The following DLC1 variants were observed in gnomAD, a reference collection of about 807,000 sequenced individuals.
DLC1 encodes the protein rho GTPase-activating protein 7.
Under a neutral mutation model 140.3 loss-of-function variants are expected in DLC1, and 54 were observed. The observed-to-expected ratio is 0.38, with a 90% CI of 0.31 to 0.48. DLC1 has a LOEUF of 0.48. DLC1 is among the 20% of genes least tolerant of loss of function. DLC1 has a pLI of 0.96. For missense variants in DLC1, 2,536 were observed against 1,907.0 expected, an observed-to-expected ratio of 1.33 and a Z score of -6.14; for synonymous variants, 986 against 728.1, an observed-to-expected ratio of 1.35 and a Z score of -5.70.
chr8:13,091,727 T>C (rs1818093303), intron 13 of DLC1, among the ~76,000 whole-genome samples: 1 of 152,100 alleles, frequency 6.6e-6, no homozygotes, highest in Non-Finnish European at 1.5e-5. Flanking sequence ...TGTGTTTGCA[T>C]GGTGGGGGAG....
At chr8:13,217,893 A>G (rs543342540) in intron 5 of DLC1, among the ~76,000 whole-genome samples, 1 of 152,074 alleles carries the variant, frequency 6.6e-6, no homozygotes, top group East Asian at 1.9e-4. Context: ...TCTTTAAATA[A>G]AATACTCTGA....
rs747326042 is a variant in DLC1 at position 13,092,807 on chromosome 8, C to A, written c.3545G>T (p.Arg1182Leu). The A allele has an allele frequency of 5.6e-6, 9 of 1,613,538 alleles. No homozygotes were observed. Among genetic ancestry groups the A allele is most frequent in the Admixed American group, 1.7e-5 (1 of 59,948 alleles). The change falls in exon 13 of 18, where the codon CGC (arginine) becomes CTC (leucine). Residue 1182 changes from arginine (R) to leucine (L), a missense_variant. By Grantham distance (102) the Arg-to-Leu change is moderately radical (BLOSUM62 -2). Transcript: ENST00000276297. ...QIYQYVPKDQRLQAIKAAIML... is the reference protein window; with the variant it reads ...QIYQYVPKDQLLQAIKAAIML... ...GATGGCAGCCTTGATGGCCTGCAGG[C>A]GCTGGTCCTTGGGCACATCTGCACG...
At chr8:13,401,756 T>C in intron 2 of DLC1, 137 bp from the exon 3 acceptor site, 1 of 1,103,434 alleles carries the variant, frequency 9.1e-7, no homozygotes, top group Non-Finnish European at 1.3e-6. Context: ...TTCCATTCTG[T>C]ATCATCAATG....
intron 4 of DLC1, among the ~76,000 whole-genome samples, chr8:13,365,469 T>C (rs1205180469): frequency 6.6e-6 from 1 of 152,120 alleles, no homozygotes; most frequent in Non-Finnish European, 1.5e-5. Flanking sequence ...CCTGTGCCTT[T>C]ATCCTACTCT....
intron 4 of DLC1, among the ~76,000 whole-genome samples, chr8:13,314,366 CTT>C (rs538036075): frequency 1.1e-3 from 171 of 149,306 alleles, no homozygotes; most frequent in Admixed American, 1.7e-3. Flanking sequence ...GTTCAATAGA[CTT>C]GGATAAAAAT....
At chr8:13,250,361 G>C (rs1010056279) in intron 5 of DLC1, among the ~76,000 whole-genome samples, 4 of 152,114 alleles carry the variant, frequency 2.6e-5, no homozygotes, top group African/African-American at 9.7e-5. Context: ...AAGTCAGCTG[G>C]CCCACACAGT....
At chr8:13,219,509 C>G (rs1828438613) in intron 5 of DLC1, among the ~76,000 whole-genome samples, 1 of 148,066 alleles carries the variant, frequency 6.8e-6, no homozygotes, top group African/African-American at 2.5e-5. Flanking sequence ...TACTAAGAAA[C>G]TGCCAAATTA....
At chr8:13,169,923 G>C (rs1356457343) in intron 5 of DLC1, among the ~76,000 whole-genome samples, 1 of 151,958 alleles carries the variant, frequency 6.6e-6, no homozygotes, top group African/African-American at 2.4e-5. Flanking sequence ...TGGAGGCTGA[G>C]ATGGGAGGAT....
At chr8:13,209,707 G>A (rs978546778) in intron 5 of DLC1, among the ~76,000 whole-genome samples, 14 of 151,984 alleles carry the variant, frequency 9.2e-5, no homozygotes, top group African/African-American at 2.9e-4. Context: ...AGATCTGGCC[G>A]ATTACAGGTG....
chr8:13,149,515 C>G (rs1184098847), intron 5 of DLC1, among the ~76,000 whole-genome samples: 3 of 152,160 alleles, frequency 2.0e-5, no homozygotes, highest in Non-Finnish European at 2.9e-5. Flanking sequence ...AGTATTTGCC[C>G]TCTCTGTGTC....
chr8:13,489,868 A>G (rs1400849077), intron 2 of DLC1, among the ~76,000 whole-genome samples: 3 of 152,216 alleles, frequency 2.0e-5, no homozygotes, highest in Admixed American at 6.5e-5. Context: ...TCTGCACTCC[A>G]ATTATTTGGC....
chr8:13,126,897 T>C (rs1376006883), intron 5 of DLC1, among the ~76,000 whole-genome samples: 2 of 152,166 alleles, frequency 1.3e-5, no homozygotes, highest in Non-Finnish European at 2.9e-5. Flanking sequence ...GGAACGTCTA[T>C]TAAAAAAACT....
intron 5 of DLC1, chr8:13,133,501 C>A (rs1345175312): frequency 1.0e-4 from 17 of 167,818 alleles, no homozygotes; most frequent in African/African-American, 3.7e-4. Context: ...CCGCCCCGCC[C>A]AGGCCCCGCC....
intron 4 of DLC1, among the ~76,000 whole-genome samples, chr8:13,320,821 C>T (rs1254946642): frequency 6.6e-6 from 1 of 152,142 alleles, no homozygotes; most frequent in East Asian, 1.9e-4. Flanking sequence ...TCTAGACCAG[C>T]CTGAGTAACA....
chr8:13,525,981 T>G (rs566390072), intron 1 of DLC1, among the ~76,000 whole-genome samples: 1 of 152,134 alleles, frequency 6.6e-6, no homozygotes, highest in Non-Finnish European at 1.5e-5. Context: ...CTATGACATA[T>G]GTAGAGATAA....
intron 4 of DLC1, among the ~76,000 whole-genome samples, chr8:13,382,312 C>G (rs546392939): frequency 4.0e-5 from 6 of 151,432 alleles, no homozygotes; most frequent in Admixed American, 2.0e-4. Flanking sequence ...TCGAGACCAT[C>G]CTGGCTAACA....
intron 5 of DLC1, among the ~76,000 whole-genome samples, chr8:13,159,582 A>G (rs562161075): frequency 6.6e-6 from 1 of 152,058 alleles, no homozygotes; most frequent in Non-Finnish European, 1.5e-5. Context: ...CCTCAATTAT[A>G]AACCCAGACT....
intron 5 of DLC1, among the ~76,000 whole-genome samples, chr8:13,190,304 A>G (rs1053054772): frequency 2.6e-5 from 4 of 151,950 alleles, no homozygotes; most frequent in East Asian, 1.9e-4. Context: ...GGAGATATCT[A>G]TGGGGTGCCT....
At chr8:13,278,250 A>G (rs1473298548) in intron 5 of DLC1, among the ~76,000 whole-genome samples, 1 of 152,180 alleles carries the variant, frequency 6.6e-6, no homozygotes, top group African/African-American at 2.4e-5. Context: ...TCTATTAAAG[A>G]TTTTCAGAAA....
Sources: gnomAD v4.1 joint callset for allele counts (sites outside exome capture counted in the v4.1 genomes callset) on GRCh38, gnomAD v4.1.1 for gene constraint, MANE v1.5 for transcripts, NCBI Gene and HGNC (gene_info 2026-07-23, HGNC 2026-07-21) for gene names.